Variants in MAGI2 observed in about 807,000 individuals in gnomAD.
MAGI2 encodes the protein membrane associated guanylate kinase, WW and PDZ domain containing 2.
A neutral mutation model predicts 133.3 loss-of-function variants in MAGI2; 35 were observed. That is an observed-to-expected ratio of 0.26 (90% confidence interval 0.20 to 0.35). MAGI2 has a LOEUF of 0.35. MAGI2 is among the 10% of genes least tolerant of loss of function. The pLI is 1.00. For synonymous variants in MAGI2, 729 were observed against 710.6 expected, an observed-to-expected ratio of 1.03 and a Z score of -0.41; for missense variants, 1,636 against 1,863.4, an observed-to-expected ratio of 0.88 and a Z score of 2.25.
chr7:78,594,010 GA>G (rs1183675519), intron 3 of MAGI2, among the ~76,000 whole-genome samples: 1 of 152,168 alleles, frequency 6.6e-6, no homozygotes, highest in Non-Finnish European at 1.5e-5. Flanking sequence ...GGGGTATTGA[GA>G]AAATGCATTT....
chr7:78,893,758 G>A lies in MAGI2; in HGVS notation c.418+113332C>T, dbSNP rs59445752. On this transcript the variant is annotated intron_variant, in intron 2 of 21. Transcript: ENST00000354212. ...TGGGGGCGGGGGAGGGATAGCATTA[G>A]GAGATATACCTAATGTTAAATGACG... is the stretch of plus-strand genomic sequence containing the variant. Among the ~76,000 whole-genome samples, 55 of 152,230 alleles carry A rather than the reference G, an allele frequency of 3.6e-4. 1 individual carries two copies. The South Asian group carries it at 0.01, about 28-fold the overall frequency.
chr7:78,065,142 T>C (rs1275086326), intron 21 of MAGI2, among the ~76,000 whole-genome samples: 1 of 151,312 alleles, frequency 6.6e-6, no homozygotes, highest in African/African-American at 2.4e-5. Flanking sequence ...GAGTTTGGAG[T>C]TTCTAGGGCT....
intron 1 of MAGI2, chr7:79,413,353 A>G (rs1379225333): frequency 6.6e-6 from 1 of 152,150 alleles, no homozygotes; most frequent in Non-Finnish European, 1.5e-5. Flanking sequence ...AGTGCAATGG[A>G]AAGTCCTGCC....
At chr7:78,825,923 T>G (rs1379476742) in intron 2 of MAGI2, among the ~76,000 whole-genome samples, 1 of 152,174 alleles carries the variant, frequency 6.6e-6, no homozygotes, top group African/African-American at 2.4e-5. Flanking sequence ...TTTATAATAA[T>G]CCAAAGCTAG....
chr7:78,133,731 C>A (rs1217388055), intron 17 of MAGI2, among the ~76,000 whole-genome samples: 1 of 152,138 alleles, frequency 6.6e-6, no homozygotes, highest in South Asian at 2.1e-4. Flanking sequence ...AACTGAGAAG[C>A]GTTTAGATTT....
intron 3 of MAGI2, among the ~76,000 whole-genome samples, chr7:78,538,519 T>C (rs962802770): frequency 6.6e-6 from 1 of 152,242 alleles, no homozygotes; most frequent in Non-Finnish European, 1.5e-5. Context: ...TGTTTTGTAG[T>C]TTTCCTTGTA....
chr7:78,680,702 T>C (rs1362166079), intron 2 of MAGI2, among the ~76,000 whole-genome samples: 3 of 152,174 alleles, frequency 2.0e-5, no homozygotes, highest in African/African-American at 7.2e-5. Context: ...ACAACATTCA[T>C]AATCAAATCA....
At chr7:78,869,924 G>C (rs1311422375) in intron 2 of MAGI2, among the ~76,000 whole-genome samples, 2 of 152,030 alleles carry the variant, frequency 1.3e-5, no homozygotes, top group African/African-American at 4.8e-5. Context: ...TTATTTCTGG[G>C]CTCTCTATTC....
chr7:78,425,209 T>C (rs983492757), intron 6 of MAGI2, among the ~76,000 whole-genome samples: 4 of 152,134 alleles, frequency 2.6e-5, no homozygotes, highest in African/African-American at 9.7e-5. Flanking sequence ...GATCTGATGG[T>C]TTTAAAAAGT....
intron 21 of MAGI2, among the ~76,000 whole-genome samples, chr7:78,059,777 A>T (rs2868835): frequency 0.27 from 39,006 of 146,068 alleles, 5,325 homozygotes; most frequent in African/African-American, 0.32. Flanking sequence ...ATATATATAT[A>T]TTTTTTTTCT....
intron 3 of MAGI2, among the ~76,000 whole-genome samples, chr7:78,538,125 T>C (rs1212698478): frequency 6.6e-6 from 1 of 152,210 alleles, no homozygotes; most frequent in African/African-American, 2.4e-5. Flanking sequence ...TTGTTGAAGG[T>C]CAGTAGCCCA....
At chr7:78,034,555 T>A (rs991581349) in intron 21 of MAGI2, among the ~76,000 whole-genome samples, 1 of 152,044 alleles carries the variant, frequency 6.6e-6, no homozygotes, top group African/African-American at 2.4e-5. Context: ...TTAGATGGAG[T>A]CTCGCTCTGT....
chr7:79,389,764 A>G (rs375066411), intron 1 of MAGI2, among the ~76,000 whole-genome samples: 2 of 151,490 alleles, frequency 1.3e-5, no homozygotes, highest in African/African-American at 4.9e-5. Flanking sequence ...AAGGGGAGAA[A>G]TGGTTTACTG....
intron 19 of MAGI2, among the ~76,000 whole-genome samples, chr7:78,126,053 G>T (rs968761641): frequency 6.6e-6 from 1 of 152,130 alleles, no homozygotes; most frequent in Non-Finnish European, 1.5e-5. Flanking sequence ...GGTCATCAAA[G>T]AATTACTGTG....
chr7:78,715,191 G>C (rs1366542221), intron 2 of MAGI2, among the ~76,000 whole-genome samples: 1 of 151,988 alleles, frequency 6.6e-6, no homozygotes, highest in Non-Finnish European at 1.5e-5. Context: ...TGGGAGGGAA[G>C]GATCTATTTT....
Position 78,069,539 on chromosome 7 carries a change from G to GGAGAGAGAGAGAGAGAGAGAGAGA in MAGI2, c.3706+9384_3706+9407dup, listed in dbSNP as rs3840607. ...AGAGAGAGATTGAAAGAAAGAGAGA[G>GGAGAGAGAGAGAGAGAGAGAGAGA]GAGAGAGAGAGAGAGAGAGAGAGAG... is the stretch of plus-strand genomic sequence containing the variant. On this transcript the variant is annotated intron_variant, in intron 21 of 21. Coordinates refer to ENST00000354212, the MANE Select transcript of MAGI2 (RefSeq NM_012301.4). Among the ~76,000 whole-genome samples, 505 of 134,668 alleles carry GGAGAGAGAGAGAGAGAGAGAGAGA rather than the reference G, an allele frequency of 3.7e-3. 8 individuals are homozygous for GGAGAGAGAGAGAGAGAGAGAGAGA. The highest frequency in any genetic ancestry group is 0.011 in the Middle Eastern group (3 of 268). 88.3% of individuals were successfully genotyped at this position (134,668 alleles called of 152,430 possible). A position where few individuals can be genotyped will look rare whatever the true frequency, so the allele number is the denominator to read the frequency against.
chr7:78,251,257 A>G (rs1295130244), intron 10 of MAGI2, among the ~76,000 whole-genome samples: 1 of 152,224 alleles, frequency 6.6e-6, no homozygotes, highest in African/African-American at 2.4e-5. Flanking sequence ...GCATATAAAA[A>G]TCCTGTCCTA....
intron 6 of MAGI2, among the ~76,000 whole-genome samples, chr7:78,475,827 T>C (rs768588598): frequency 6.6e-6 from 1 of 151,846 alleles, no homozygotes; most frequent in African/African-American, 2.4e-5. Context: ...CTAGTAGAAC[T>C]TGAACATTTA....
At chr7:78,466,916 AT>A (rs1563042706) in intron 6 of MAGI2, among the ~76,000 whole-genome samples, 1 of 152,118 alleles carries the variant, frequency 6.6e-6, no homozygotes, top group African/African-American at 2.4e-5. Flanking sequence ...TTGCATCAAG[AT>A]ACCTTTAGGT....
Sources: allele counts gnomAD v4.1 joint callset (sites outside exome capture counted in the v4.1 genomes callset), GRCh38; gene constraint gnomAD v4.1.1; transcripts MANE v1.5; gene names NCBI Gene and HGNC (gene_info 2026-07-23, HGNC 2026-07-21).